The following ITGB5 variants were observed in gnomAD, a reference collection of about 807,000 sequenced individuals.
ITGB5 encodes the protein integrin subunit beta 5, also known as integrin beta-5.
Under a neutral mutation model 84.8 loss-of-function variants are expected in ITGB5, and 38 were observed. The ratio of observed to expected loss-of-function variants is 0.45; its 90% CI spans 0.35 to 0.59. The LOEUF is 0.59. Among genes scored for constraint, ITGB5 ranks in the 20% least tolerant of loss-of-function variants. The probability of loss-of-function intolerance (pLI) is 0.01; values close to 1 mark genes in which losing one functional copy is unlikely to be tolerated. For missense variants in ITGB5, 905 were observed against 1,034.5 expected (o/e 0.87, Z 1.72); for synonymous variants, 393 against 414.4 (o/e 0.95, Z 0.63).
intron 2 of ITGB5, among the ~76,000 whole-genome samples, chr3:124,861,525 CACAG>C (rs772158518): frequency 0.015 from 2,240 of 145,810 alleles, 30 homozygotes; most frequent in Non-Finnish European, 0.023. Context: ...CACACACACA[CACAG>C]AGAGATACAC....
In ITGB5 at chr3:124,887,333, G is replaced by C. The variant is rs1934873773; in HGVS notation, c.-333C>G. The C allele has an allele frequency of 6.5e-6, 1 of 153,776 alleles. No individual in the cohort carries two copies. Among genetic ancestry groups the C allele is most frequent in the Admixed American group, 6.5e-5 (1 of 15,288 alleles). The allele number at this position is 153,776 out of a possible 1,614,324, so 9.5% of individuals were successfully genotyped here. ...CGACTTGGGCTCCGAGACGCGCCCA[G>C]CGCCGAGACTCCCCCGCGCGCCGGC... On this transcript the variant is annotated 5_prime_UTR_variant, in exon 1 of 15. Coordinates refer to ENST00000296181, the MANE Select transcript of ITGB5 (RefSeq NM_002213.5).
At chr3:124,802,600 C>T (rs1318529121) in intron 9 of ITGB5, among the ~76,000 whole-genome samples, 2 of 152,250 alleles carry the variant, frequency 1.3e-5, no homozygotes, top group African/African-American at 4.8e-5. Context: ...CCCACGCTTA[C>T]TCTAATGCTC....
At chr3:124,765,052 C>A (rs2063747336) in intron 13 of ITGB5, among the ~76,000 whole-genome samples, 1 of 152,162 alleles carries the variant, frequency 6.6e-6, no homozygotes, top group South Asian at 2.1e-4. Context: ...GGAAACAAAG[C>A]CTCATTCTTA....
chr3:124,772,513 C>T (rs1476015137), intron 11 of ITGB5, among the ~76,000 whole-genome samples: 2 of 152,198 alleles, frequency 1.3e-5, no homozygotes, highest in South Asian at 2.1e-4. Context: ...ATCACAGATG[C>T]GTTCCTCAGC....
chr3:124,865,357 A>G (rs1462668577), intron 2 of ITGB5, among the ~76,000 whole-genome samples: 1 of 152,130 alleles, frequency 6.6e-6, no homozygotes, highest in Non-Finnish European at 1.5e-5. Context: ...CTATGCTGGA[A>G]GAGGTTCCTG....
chr3:124,892,767 CA>C (rs56380187), intron 1 of ITGB5, among the ~76,000 whole-genome samples: 23,490 of 142,762 alleles, frequency 0.16, 2,178 homozygotes, highest in South Asian at 0.23. Context: ...AATAAATAAA[CA>C]AAAAAACTTA....
At chr3:124,846,375 T>C (rs2065077909) in intron 4 of ITGB5, among the ~76,000 whole-genome samples, 1 of 146,722 alleles carries the variant, frequency 6.8e-6, no homozygotes, top group Non-Finnish European at 1.5e-5. Flanking sequence ...AGTTACTGCA[T>C]GGAGAGCTGC....
At position 124,842,573 on chromosome 3, in the gene ITGB5, C is replaced by A. The variant is rs920050564; in HGVS notation, c.612-1022G>T. Among the ~76,000 whole-genome samples, 4 of 152,152 alleles carry A rather than the reference C, an allele frequency of 2.6e-5. No individual in the cohort carries two copies. In the East Asian group the frequency reaches 7.7e-4, roughly 29 times the overall value. ...GTCGGGGGGCTGTGGTGCAGAGTAA[C>A]GGGTGAGGATGGGCGAGGAGGAGCC... is the stretch of plus-strand genomic sequence containing the variant. On this transcript the variant is annotated intron_variant, in intron 4 of 14. Coordinates refer to ENST00000296181, the MANE Select transcript of ITGB5 (RefSeq NM_002213.5).
chr3:124,768,537 T>A (rs1300604790), intron 12 of ITGB5, among the ~76,000 whole-genome samples: 1 of 152,236 alleles, frequency 6.6e-6, no homozygotes, highest in East Asian at 1.9e-4. Context: ...CGCACTGTGG[T>A]CAGGCCTCAC....
intron 8 of ITGB5, 125 bp from the exon 9 acceptor site, chr3:124,809,281 C>T: frequency 9.9e-7 from 1 of 1,009,360 alleles, no homozygotes; most frequent in Non-Finnish European, 1.5e-6. Context: ...AAAGGAAGAG[C>T]CAGTGAGCTT....
chr3:124,830,701 T>C (rs2064847513), intron 5 of ITGB5, among the ~76,000 whole-genome samples: 1 of 152,170 alleles, frequency 6.6e-6, no homozygotes, highest in Non-Finnish European at 1.5e-5. Flanking sequence ...AATTCTTCCT[T>C]GGCCGGGCAC....
chr3:124,876,704 T>C (rs1307026283), intron 1 of ITGB5, among the ~76,000 whole-genome samples: 1 of 152,198 alleles, frequency 6.6e-6, no homozygotes, highest in African/African-American at 2.4e-5. Flanking sequence ...GCCCTAACCC[T>C]GAACCCTAGG....
Position 124,764,565 on chromosome 3 carries a change from G to A in ITGB5, c.2138-8C>T, listed in dbSNP as rs778181052. 22 of 1,596,588 alleles carry A rather than the reference G, an allele frequency of 1.4e-5. No individual in the cohort carries two copies. Among genetic ancestry groups the A allele is most frequent in the Non-Finnish European group, 1.6e-5 (19 of 1,166,230 alleles). On this transcript the variant is annotated splice_polypyrimidine_tract_variant and splice_region_variant and intron_variant, in intron 13 of 14. Transcript: ENST00000296181. ...TGGGGGTGTTTCCACACTCTGGGGG[G>A]ACCAGAAGCATGGTAAGCAAAGCCA...
intron 10 of ITGB5, among the ~76,000 whole-genome samples, chr3:124,793,454 T>C (rs571110202): frequency 1.2e-4 from 18 of 152,258 alleles, no homozygotes; most frequent in Non-Finnish European, 2.2e-4. Flanking sequence ...CTGGAATTTT[T>C]TAGGCAAAGC....
Position 124,887,092 on chromosome 3 carries a change from G to A in ITGB5, c.-92C>T, listed in dbSNP as rs2107656708. ...GGCCGGAGCGCGGGGGCCGAGGGCC[G>A]GGGGCCGCAGCCGCATGCCCCGCGC... On this transcript the variant is annotated 5_prime_UTR_variant, in exon 1 of 15. Coordinates refer to ENST00000296181, the MANE Select transcript of ITGB5 (RefSeq NM_002213.5). 5.6e-6 allele frequency: 2 copies of A among 355,328 alleles called. No individual in the cohort carries two copies. The highest frequency in any genetic ancestry group is 7.8e-6 in the Non-Finnish European group (2 of 256,228). The allele number at this position is 355,328 out of a possible 1,614,324, so 22.0% of individuals were successfully genotyped here.
At chr3:124,769,398 T>G (rs1413436182) in intron 11 of ITGB5, 1 of 358,736 alleles carries the variant, frequency 2.8e-6, no homozygotes, top group African/African-American at 2.1e-5. Flanking sequence ...TGCACTCTGG[T>G]CCATCTAATG....
intron 10 of ITGB5, chr3:124,791,989 A>G (rs979967642): frequency 8.5e-5 from 13 of 152,226 alleles, no homozygotes; most frequent in African/African-American, 2.4e-4. Flanking sequence ...CTGCATGAAC[A>G]TGTTATCAAG....
chr3:124,767,426 A>G (rs2063782847), intron 12 of ITGB5, among the ~76,000 whole-genome samples: 1 of 152,196 alleles, frequency 6.6e-6, no homozygotes, highest in Admixed American at 6.5e-5. Flanking sequence ...AGGGTAAATG[A>G]TGGATTGGAA....
intron 12 of ITGB5, 135 bp from the exon 13 acceptor site, chr3:124,766,480 C>T: frequency 9.5e-7 from 1 of 1,057,884 alleles, no homozygotes. Context: ...TAAGGGGAGG[C>T]TGGGCCTTTG....
Sources: allele counts gnomAD v4.1 joint callset (sites outside exome capture counted in the v4.1 genomes callset), GRCh38; gene constraint gnomAD v4.1.1; transcripts MANE v1.5; gene names NCBI Gene and HGNC (gene_info 2026-07-23, HGNC 2026-07-21).